The following SHISA5 variants were observed in gnomAD, a reference collection of about 807,000 sequenced individuals.
SHISA5 encodes protein shisa-5.
SHISA5 carries 21 observed loss-of-function variants against 27.5 expected under a neutral mutation model. The ratio of observed to expected loss-of-function variants is 0.76; its 90% CI spans 0.54 to 1.10. The LOEUF is 1.10. Among genes scored for constraint, SHISA5 ranks in the 50% least tolerant of loss-of-function variants. The pLI is 0.00. For synonymous variants in SHISA5, 137 were observed against 142.2 expected, an observed-to-expected ratio of 0.96 and a Z score of 0.26; for missense variants, 314 against 336.3, an observed-to-expected ratio of 0.93 and a Z score of 0.52.
chr3:48,469,565 T>C lies in SHISA5; in HGVS notation c.439A>G (p.Thr147Ala). 1 of 1,605,678 alleles carries C rather than the reference T, an allele frequency of 6.2e-7. No homozygotes were observed. The highest frequency in any genetic ancestry group is 8.5e-7 in the Non-Finnish European group (1 of 1,174,402). ...KTCRRPRPVVTTTTSTTVVHA... is the reference protein window; with the variant it reads ...KTCRRPRPVVATTTSTTVVHA... Reference sequence around the variant, plus strand: ...ACCACAGTGGTGGATGTGGTGGTGGTGACAACCGCTGCAAAGAGAATTCCA... The same window carrying C: ...ACCACAGTGGTGGATGTGGTGGTGGCGACAACCGCTGCAAAGAGAATTCCA... The change falls in exon 5 of 6, where the codon ACC becomes GCC. Residue 147 changes from threonine to alanine, a missense_variant. Physicochemically the swap from Thr to Ala is moderately conservative, Grantham distance 58 (BLOSUM62 0). Coordinates refer to ENST00000296444, the MANE Select transcript of SHISA5 (RefSeq NM_016479.6). This position sits in a 1 kb window ranked among gnomAD's most constrained non-coding sequence, Gnocchi z 4.6.
At chr3:48,471,423 AATTAG>A (rs2040609334) in intron 3 of SHISA5, among the ~76,000 whole-genome samples, 4 of 150,806 alleles carry the variant, frequency 2.7e-5, no homozygotes, top group Non-Finnish European at 4.4e-5. Context: ...CTCTACTAAA[AATTAG>A]CCGGTAGTCC....
intron 2 of SHISA5, among the ~76,000 whole-genome samples, chr3:48,499,754 C>T: frequency 6.9e-6 from 1 of 144,222 alleles, no homozygotes; most frequent in Non-Finnish European, 1.5e-5. Context: ...ATCCCAGCTA[C>T]TCGGGAGGCT....
chr3:48,475,531 A>G (rs2040795475), intron 3 of SHISA5, among the ~76,000 whole-genome samples: 1 of 152,172 alleles, frequency 6.6e-6, no homozygotes, highest in South Asian at 2.1e-4. Context: ...GGTGTCAGCA[A>G]GGCCCCAGAC....
intron 3 of SHISA5, chr3:48,477,225 G>A: frequency 2.7e-6 from 1 of 365,526 alleles, no homozygotes; most frequent in Non-Finnish European, 5.3e-6. Context: ...CTACAGAGTA[G>A]CTGGAATTAC....
At chr3:48,471,578 A>AACT (rs199983750) in intron 3 of SHISA5, among the ~76,000 whole-genome samples, 5,590 of 113,224 alleles carry the variant, frequency 0.049, 866 homozygotes, top group African/African-American at 0.12. Flanking sequence ...AAAAAAAAAA[A>AACT]GTCAGCCTTA....
At chr3:48,483,859 G>C (rs189386289) in intron 2 of SHISA5, among the ~76,000 whole-genome samples, 1 of 151,610 alleles carries the variant, frequency 6.6e-6, no homozygotes, top group African/African-American at 2.4e-5. Flanking sequence ...CTGGCCGGGC[G>C]GGGGGCTGAC....
At chr3:48,490,780 T>A (rs1053869793) in intron 2 of SHISA5, among the ~76,000 whole-genome samples, 1 of 152,250 alleles carries the variant, frequency 6.6e-6, no homozygotes, top group African/African-American at 2.4e-5. Flanking sequence ...CTGTTCTCTA[T>A]GGGAGAAAAT....
chr3:48,486,473 T>C (rs56395498), intron 2 of SHISA5, among the ~76,000 whole-genome samples: 1 of 105,250 alleles, frequency 9.5e-6, no homozygotes, highest in Non-Finnish European at 1.7e-5. Context: ...ATAATTATAT[T>C]ATATATATTA....
At chr3:48,504,576 G>A (rs115620699), upstream of SHISA5, 2,206 of 153,936 alleles carry the variant, frequency 0.014, 61 homozygotes, top group African/African-American at 0.049. The surrounding 1 kb of genome is among the most constrained non-coding windows in gnomAD (Gnocchi z 4.0). Flanking sequence ...TCACTTGCCC[G>A]AGGGCTACGT....
intron 1 of SHISA5, 193 bp downstream of exon 1, chr3:48,503,826 G>T: frequency 1.6e-6 from 2 of 1,274,290 alleles, no homozygotes; most frequent in Non-Finnish European, 2.0e-6. Context: ...TCTAGGCAGG[G>T]TTGTTCAGGC....
chr3:48,501,276 T>C lies in SHISA5; in HGVS notation c.94A>G (p.Met32Val). The C allele has an allele frequency of 2.5e-6, 4 of 1,613,934 alleles. No individual in the cohort carries two copies. Among genetic ancestry groups the C allele is most frequent in the Admixed American group, 1.7e-5 (1 of 59,994 alleles). ...PPPGARGEVC[M>V]ASRGLSLFPE... The stretch of plus-strand genomic sequence containing the variant: ...AAGAGGCTGAGTCCACGGGAAGCCA[T>C]ACACACCTCACCACGTGCTGGAGAG... Residue 32 changes from methionine to valine, a missense_variant, in exon 2 of 6, where the codon ATG becomes GTG. By Grantham distance (21) the Met-to-Val change is conservative (BLOSUM62 1). Coordinates refer to ENST00000296444, the MANE Select transcript of SHISA5 (RefSeq NM_016479.6).
chr3:48,484,234 C>T (rs1002877513), intron 2 of SHISA5, among the ~76,000 whole-genome samples: 1 of 152,096 alleles, frequency 6.6e-6, no homozygotes, highest in East Asian at 1.9e-4. Flanking sequence ...AATGTAAAAG[C>T]GTTATAAACA....
chr3:48,475,536 C>G (rs1200538189), intron 3 of SHISA5, among the ~76,000 whole-genome samples: 1 of 152,150 alleles, frequency 6.6e-6, no homozygotes, highest in Non-Finnish European at 1.5e-5. Flanking sequence ...CAGCAAGGCC[C>G]CAGACAGGCT....
intron 2 of SHISA5, among the ~76,000 whole-genome samples, chr3:48,500,313 G>A (rs903771271): frequency 6.6e-6 from 1 of 152,142 alleles, no homozygotes; most frequent in African/African-American, 2.4e-5. Flanking sequence ...GAATGAAATG[G>A]TCCTGACATA....
chr3:48,476,926 G>A lies in SHISA5; in HGVS notation c.314+2251C>T, dbSNP rs139192465. On this transcript the variant is annotated intron_variant, in intron 3 of 5. Transcript: ENST00000296444. ...TGCTATGCACACCACGGCGGCAGCT[G>A]GGCTAACAGAACAGGTCCCACATGC... 2,309 of 365,398 alleles carry A rather than the reference G, an allele frequency of 6.3e-3. 52 individuals carry two copies. The highest frequency in any genetic ancestry group is 0.046 in the African/African-American group (2,123 of 46,288). 22.6% of individuals were successfully genotyped at this position (365,398 alleles called of 1,614,324 possible).
At chr3:48,493,253 A>T (rs1019161051) in intron 2 of SHISA5, among the ~76,000 whole-genome samples, 2 of 146,540 alleles carry the variant, frequency 1.4e-5, no homozygotes, top group Admixed American at 1.3e-4. Context: ...ACATAGTAAG[A>T]CCCCTTCTCT....
At chr3:48,481,108 G>T (rs2040995030) in intron 2 of SHISA5, among the ~76,000 whole-genome samples, 1 of 151,252 alleles carries the variant, frequency 6.6e-6, no homozygotes, top group Admixed American at 6.6e-5. Context: ...AAAATAATAA[G>T]AATAAATAAA....
chr3:48,502,580 A>G lies in SHISA5; in HGVS notation c.77-1287T>C, dbSNP rs2041789184. The G allele has an allele frequency of 1.7e-5, 6 of 350,602 alleles. 1 individual carries two copies. The highest frequency in any genetic ancestry group is 1.3e-4 in the South Asian group (6 of 47,250). The allele number at this position is 350,602 out of a possible 1,614,324, so 21.7% of individuals were successfully genotyped here. The stretch of plus-strand genomic sequence containing the variant: ...TGTGGAAAATAACCCAGGTTTTTGG[A>G]TGACCACAAGGTTTACAAACCTCCA... On this transcript the variant is annotated intron_variant, in intron 1 of 5. Transcript: ENST00000296444.
intron 2 of SHISA5, among the ~76,000 whole-genome samples, chr3:48,480,525 C>T (rs542676443): frequency 6.6e-6 from 1 of 152,028 alleles, no homozygotes; most frequent in Admixed American, 6.6e-5. Context: ...AATGGGGGGG[C>T]CGAGGAGGGT....
Sources: allele counts gnomAD v4.1 joint callset (sites outside exome capture counted in the v4.1 genomes callset), GRCh38; gene constraint gnomAD v4.1.1; non-coding constraint Gnocchi (gnomAD v3.1); transcripts MANE v1.5; gene names NCBI Gene and HGNC (gene_info 2026-07-23, HGNC 2026-07-21).